The following CD276 variants were observed in gnomAD, a reference collection of about 807,000 sequenced individuals.
CD276 encodes CD276 molecule.
In CD276, 34 loss-of-function variants were observed where a neutral mutation model predicts 50.0. The ratio of observed to expected loss-of-function variants is 0.68; its 90% CI spans 0.52 to 0.91. CD276 has a LOEUF of 0.91. Among genes scored for constraint, CD276 ranks in the 40% least tolerant of loss-of-function variants. The pLI, the probability that CD276 is intolerant of heterozygous loss-of-function variation, is 0.00. For synonymous variants in CD276, 275 were observed against 313.0 expected, an observed-to-expected ratio of 0.88 and a Z score of 1.28; for missense variants, 634 against 717.5, an observed-to-expected ratio of 0.88 and a Z score of 1.33.
At chr15:73,697,049 A>C (rs531821368) in intron 1 of CD276, among the ~76,000 whole-genome samples, 1 of 152,260 alleles carries the variant, frequency 6.6e-6, no homozygotes, top group East Asian at 1.9e-4. Flanking sequence ...GCGTTCGTTC[A>C]TCCTTAGCCC....
intron 1 of CD276, among the ~76,000 whole-genome samples, chr15:73,691,636 C>A (rs913959746): frequency 6.6e-6 from 1 of 152,208 alleles, no homozygotes; most frequent in Non-Finnish European, 1.5e-5. Flanking sequence ...ATGGACTGGG[C>A]TCCCTGCAGG....
At chr15:73,698,288 C>T (rs1020784629) in intron 1 of CD276, among the ~76,000 whole-genome samples, 1 of 152,218 alleles carries the variant, frequency 6.6e-6, no homozygotes, top group Non-Finnish European at 1.5e-5. Context: ...CACACTCATA[C>T]ACCTAGTCGC....
At chr15:73,685,278 C>G (rs903488146) in intron 1 of CD276, among the ~76,000 whole-genome samples, 12 of 151,972 alleles carry the variant, frequency 7.9e-5, no homozygotes, top group Non-Finnish European at 2.9e-5. Flanking sequence ...TGAATTCCAG[C>G]GCCCAGGGCC....
intron 1 of CD276, among the ~76,000 whole-genome samples, chr15:73,689,334 C>G (rs1899897610): frequency 6.6e-6 from 1 of 152,102 alleles, no homozygotes; most frequent in Admixed American, 6.6e-5. Context: ...TGATGACATA[C>G]TACTGTCCTG....
chr15:73,702,550 C>T lies in CD276; in HGVS notation c.375C>T (p.Ser125=), dbSNP rs750730261. The change falls in exon 3 of 10, where the codon AGC becomes AGT. Residue 125 remains serine, a synonymous_variant. Coordinates refer to ENST00000318443, the MANE Select transcript of CD276 (RefSeq NM_001024736.2). ...ADEGSFTCFV[S]IRDFGSAAVS... ...AGGGCAGCTTCACCTGCTTCGTGAG[C>T]ATCCGGGATTTCGGCAGCGCTGCCG... 1 of 1,611,596 alleles carries T rather than the reference C, an allele frequency of 6.2e-7. No individual in the cohort carries two copies.
At position 73,694,926 on chromosome 15, in the gene CD276, G is replaced by C. The variant is rs182655058; in HGVS notation, c.-54-4660G>C. The stretch of plus-strand genomic sequence containing the variant: ...GAGGCAGGAGGATCACTTGAGCCCA[G>C]GAGTTACAAGGGTGCAGTGGGTTCT... On this transcript the variant is annotated intron_variant, in intron 1 of 9. Coordinates refer to ENST00000318443, the MANE Select transcript of CD276 (RefSeq NM_001024736.2). 5.3e-5 allele frequency among the ~76,000 whole-genome samples: 8 copies of C among 152,314 alleles called. No homozygotes were observed. The East Asian group carries it at 1.5e-3, about 29-fold the overall frequency.
Position 73,703,941 on chromosome 15 carries a change from C to A in CD276, c.1016C>A (p.Thr339Asn). ...CGTGTGGCGGACGAGGGCAGCTTCA[C>A]CTGCTTCGTGAGCATCCGGGATTTC... is the stretch of plus-strand genomic sequence containing the variant. ...RVRVADEGSF[T>N]CFVSIRDFGS... Residue 339 changes from threonine to asparagine, a missense_variant, in exon 5 of 10, where the codon ACC becomes AAC. By Grantham distance (65) the Thr-to-Asn change is moderately conservative. Coordinates refer to ENST00000318443, the MANE Select transcript of CD276 (RefSeq NM_001024736.2). 1.2e-6 allele frequency: 2 copies of A among 1,613,062 alleles called. No homozygotes were observed. The highest frequency in any genetic ancestry group is 2.2e-5 in the South Asian group (2 of 91,056).
chr15:73,705,546 G>A (rs2141574522), intron 6 of CD276, among the ~76,000 whole-genome samples: 1 of 152,158 alleles, frequency 6.6e-6, no homozygotes, highest in Non-Finnish European at 1.5e-5. Flanking sequence ...TCCCCAAGAT[G>A]GAAAACACTC....
chr15:73,703,475 C>T (rs11574481), intron 4 of CD276, among the ~76,000 whole-genome samples, 184 bp from the exon 5 acceptor site: 5,776 of 152,188 alleles, frequency 0.038, 383 homozygotes, highest in African/African-American at 0.13. Context: ...TGATTGTTCT[C>T]AGAAGATTGG....
chr15:73,702,003 T>G (rs1211586132), intron 2 of CD276, among the ~76,000 whole-genome samples: 2 of 152,244 alleles, frequency 1.3e-5, no homozygotes, highest in African/African-American at 4.8e-5. Context: ...TCTCTCCCAT[T>G]AAAATGTAAG....
chr15:73,703,567 G>GC, intron 4 of CD276, 92 bp from the exon 5 acceptor site: 1 of 1,014,366 alleles, frequency 9.9e-7, no homozygotes, highest in Non-Finnish European at 1.4e-6. Flanking sequence ...CAGGGTCTGG[G>GC]AATTGATGGG....
rs1337947083 is a variant in CD276 at position 73,712,999 on chromosome 15, C to T, written c.*43C>T. On this transcript the variant is annotated 3_prime_UTR_variant, in exon 10 of 10. Coordinates refer to ENST00000318443, the MANE Select transcript of CD276 (RefSeq NM_001024736.2). ...CTGCTACCCCTCCCTACAGCTCCTA[C>T]CCTCTGGCTGCAATGGGGCTGCACT... 2 of 1,597,912 alleles carry T rather than the reference C, an allele frequency of 1.3e-6. No individual in the cohort carries two copies. Among genetic ancestry groups the T allele is most frequent in the Admixed American group, 1.7e-5 (1 of 59,590 alleles).
In CD276 at chr15:73,702,529, C is replaced by G. The variant is rs763004135; in HGVS notation, c.354C>G (p.Gly118=). 1.9e-6 allele frequency: 3 copies of G among 1,612,648 alleles called. No individual in the cohort carries two copies. In the South Asian group the frequency reaches 3.3e-5, roughly 18 times the overall value. ...AGCGCGTGCGTGTGGCGGACGAGGG[C>G]AGCTTCACCTGCTTCGTGAGCATCC... The part of the protein sequence containing the change: ...RLQRVRVADE[G]SFTCFVSIRD... Residue 118 remains glycine (G), a synonymous_variant, in exon 3 of 10, where the codon GGC becomes GGG. Coordinates refer to ENST00000318443, the MANE Select transcript of CD276 (RefSeq NM_001024736.2).
At chr15:73,701,548 G>A (rs953667203) in intron 2 of CD276, among the ~76,000 whole-genome samples, 1 of 152,172 alleles carries the variant, frequency 6.6e-6, no homozygotes, top group Non-Finnish European at 1.5e-5. Flanking sequence ...CACACAGCAA[G>A]GCCAGTCTTG....
Position 73,704,551 on chromosome 15 carries a change from G to A in CD276, c.1369+79G>A. The A allele has an allele frequency of 3.3e-6, 5 of 1,502,466 alleles. No individual in the cohort carries two copies. The South Asian group carries it at 6.3e-5, about 19-fold the overall frequency. The allele number at this position is 1,502,466 out of a possible 1,614,324, so 93.1% of individuals were successfully genotyped here. On this transcript the variant is annotated intron_variant, in intron 6 of 9. Transcript: ENST00000318443. The surrounding 1 kb of genome is among the most constrained non-coding windows in gnomAD (Gnocchi z 4.1). Reference sequence around the variant, plus strand: ...TGGACCCTAACGTGGAATTTCCATAGGTTTGGGTGGCCAGAAGACTTTCAA... The same window carrying A: ...TGGACCCTAACGTGGAATTTCCATAAGTTTGGGTGGCCAGAAGACTTTCAA...
intron 8 of CD276, among the ~76,000 whole-genome samples, chr15:73,710,199 A>G (rs967063214): frequency 1.3e-5 from 2 of 152,236 alleles, no homozygotes; most frequent in Non-Finnish European, 2.9e-5. Flanking sequence ...CAAGTGCTTA[A>G]TACTCTGGAG....
At chr15:73,707,795 A>G (rs192047048) in intron 6 of CD276, among the ~76,000 whole-genome samples, 2 of 152,336 alleles carry the variant, frequency 1.3e-5, no homozygotes, top group East Asian at 1.9e-4. Flanking sequence ...CTTCTGATCC[A>G]TAGAATGGGA....
chr15:73,688,565 C>G (rs1899856542), intron 1 of CD276, among the ~76,000 whole-genome samples: 1 of 152,184 alleles, frequency 6.6e-6, no homozygotes, highest in South Asian at 2.1e-4. Context: ...CCTGGTGATT[C>G]CATTCAATAA....
At chr15:73,695,281 C>A (rs1202237086) in intron 1 of CD276, among the ~76,000 whole-genome samples, 1 of 152,138 alleles carries the variant, frequency 6.6e-6, no homozygotes, top group East Asian at 1.9e-4. Flanking sequence ...ACTTTGGGCT[C>A]ATTTTCTAGA....
Sources: allele counts gnomAD v4.1 joint callset (sites outside exome capture counted in the v4.1 genomes callset), GRCh38; gene constraint gnomAD v4.1.1; non-coding constraint Gnocchi (gnomAD v3.1); transcripts MANE v1.5; gene names NCBI Gene and HGNC (gene_info 2026-07-23, HGNC 2026-07-21).